Variants in HS3ST4 observed in about 807,000 individuals in gnomAD.
HS3ST4 encodes the protein heparan sulfate glucosamine 3-O-sulfotransferase 4.
HS3ST4 carries 17 observed loss-of-function variants against 29.2 expected under a neutral mutation model. The observed-to-expected ratio is 0.58, with a 90% CI of 0.40 to 0.87. The LOEUF (loss-of-function observed/expected upper bound fraction) is 0.87, where lower values mean the gene tolerates loss of function less well. HS3ST4 is among the 40% of genes least tolerant of loss of function. The probability of loss-of-function intolerance (pLI) is 0.00; values close to 1 mark genes in which losing one functional copy is unlikely to be tolerated. For missense variants in HS3ST4, 627 were observed against 634.5 expected, an observed-to-expected ratio of 0.99 and a Z score of 0.13; for synonymous variants, 314 against 285.7, an observed-to-expected ratio of 1.10 and a Z score of -1.00.
chr16:25,983,235 G>A (rs1219892194), intron 1 of HS3ST4, among the ~76,000 whole-genome samples: 1 of 152,152 alleles, frequency 6.6e-6, no homozygotes, highest in East Asian at 1.9e-4. Context: ...TTCTATTCCA[G>A]ATCTAGCAAC....
chr16:25,902,249 G>A (rs1968126685), intron 1 of HS3ST4, among the ~76,000 whole-genome samples: 1 of 152,116 alleles, frequency 6.6e-6, no homozygotes. Flanking sequence ...GCATCATGGT[G>A]GCTCATGCCT....
chr16:26,015,888 C>G (rs2141743325), intron 1 of HS3ST4, among the ~76,000 whole-genome samples: 1 of 152,198 alleles, frequency 6.6e-6, no homozygotes, highest in African/African-American at 2.4e-5. Context: ...GATTATAACT[C>G]CCACCCAGAG....
intron 1 of HS3ST4, among the ~76,000 whole-genome samples, chr16:25,714,216 T>A (rs1263797217): frequency 6.6e-6 from 1 of 152,060 alleles, no homozygotes; most frequent in African/African-American, 2.4e-5. Flanking sequence ...AACAAATACA[T>A]GAAAATAAAA....
intron 1 of HS3ST4, among the ~76,000 whole-genome samples, chr16:25,874,173 A>G (rs773019794): frequency 3.3e-5 from 5 of 152,184 alleles, no homozygotes; most frequent in Non-Finnish European, 7.4e-5. Flanking sequence ...CAAAGTCTGC[A>G]TAAAGAACAC....
chr16:25,941,848 T>C (rs1207141269), intron 1 of HS3ST4, among the ~76,000 whole-genome samples: 1 of 152,182 alleles, frequency 6.6e-6, no homozygotes, highest in East Asian at 1.9e-4. Context: ...AGTACTGGAA[T>C]TACAGGTGTG....
rs147905796 is a variant in HS3ST4, at chr16:26,065,690, A to G, written c.735-69922A>G. Reference sequence around the variant, plus strand: ...TAAGTTTGGACAGTCAGCATAGACTACACCACAAAGTAAGAGATAAAGAGG... The same window carrying G: ...TAAGTTTGGACAGTCAGCATAGACTGCACCACAAAGTAAGAGATAAAGAGG... On this transcript the variant is annotated intron_variant, in intron 1 of 1. Coordinates refer to ENST00000331351, the MANE Select transcript of HS3ST4 (RefSeq NM_006040.3). 7.9e-5 allele frequency among the ~76,000 whole-genome samples: 12 copies of G among 152,366 alleles called. No individual in the cohort carries two copies. The East Asian group carries it at 1.7e-3, about 22-fold the overall frequency.
At chr16:26,042,027 A>G (rs576350269) in intron 1 of HS3ST4, among the ~76,000 whole-genome samples, 2 of 152,288 alleles carry the variant, frequency 1.3e-5, no homozygotes, top group South Asian at 2.1e-4. Flanking sequence ...TGATCTACTG[A>G]TGCATAATTG....
intron 1 of HS3ST4, among the ~76,000 whole-genome samples, chr16:26,124,609 A>T (rs1231895235): frequency 6.6e-6 from 1 of 152,178 alleles, no homozygotes; most frequent in African/African-American, 2.4e-5. Context: ...TGTTCTCATG[A>T]GGTATTCAGA....
intron 1 of HS3ST4, among the ~76,000 whole-genome samples, chr16:26,130,699 A>ATCTGAAC (rs1449570585): frequency 6.6e-6 from 1 of 152,226 alleles, no homozygotes; most frequent in African/African-American, 2.4e-5. Flanking sequence ...CACACCTAGC[A>ATCTGAAC]TCTGAACACC....
intron 1 of HS3ST4, among the ~76,000 whole-genome samples, chr16:25,739,886 G>A (rs899519375): frequency 4.6e-5 from 7 of 152,204 alleles, no homozygotes; most frequent in Non-Finnish European, 1.0e-4. Flanking sequence ...TAAAGAAACA[G>A]CATCTGTTGA....
chr16:25,962,100 T>C (rs941589037), intron 1 of HS3ST4, among the ~76,000 whole-genome samples: 2 of 152,184 alleles, frequency 1.3e-5, no homozygotes, highest in Non-Finnish European at 2.9e-5. Flanking sequence ...AAGTAGGCCT[T>C]GAACACACCC....
chr16:25,776,155 A>G (rs923588524), intron 1 of HS3ST4, among the ~76,000 whole-genome samples: 1 of 152,128 alleles, frequency 6.6e-6, no homozygotes, highest in Non-Finnish European at 1.5e-5. Context: ...CTACATAGCA[A>G]TGTAGGAACA....
chr16:25,968,919 A>T (rs1968870396), intron 1 of HS3ST4, among the ~76,000 whole-genome samples: 1 of 152,182 alleles, frequency 6.6e-6, no homozygotes. Flanking sequence ...TCCCGGGTTC[A>T]AGCAATTCTC....
At chr16:26,123,062 A>T (rs1464359984) in intron 1 of HS3ST4, among the ~76,000 whole-genome samples, 1 of 151,600 alleles carries the variant, frequency 6.6e-6, no homozygotes, top group Non-Finnish European at 1.5e-5. Flanking sequence ...TCAAAAAAAA[A>T]AAAAACCGGG....
intron 1 of HS3ST4, among the ~76,000 whole-genome samples, chr16:26,016,821 A>G (rs1377122242): frequency 2.6e-5 from 4 of 152,180 alleles, no homozygotes; most frequent in African/African-American, 9.7e-5. Context: ...GCTCACTCAT[A>G]TTTGGTTCTT....
At chr16:26,040,283 A>C (rs1596659696) in intron 1 of HS3ST4, among the ~76,000 whole-genome samples, 1 of 148,062 alleles carries the variant, frequency 6.8e-6, no homozygotes, top group South Asian at 2.1e-4. Context: ...TATTGCTGTC[A>C]GTATCTTTCT....
At chr16:25,812,336 C>T (rs768267841) in intron 1 of HS3ST4, among the ~76,000 whole-genome samples, 1 of 152,172 alleles carries the variant, frequency 6.6e-6, no homozygotes, top group Non-Finnish European at 1.5e-5. Flanking sequence ...TGCAGCATTG[C>T]CTAAATGCCC....
At chr16:25,796,305 T>C (rs1457022791) in intron 1 of HS3ST4, among the ~76,000 whole-genome samples, 1 of 151,888 alleles carries the variant, frequency 6.6e-6, no homozygotes, top group Non-Finnish European at 1.5e-5. Flanking sequence ...CTTTTGGGGG[T>C]TTGGGGGTTT....
rs1157827596 is a variant in HS3ST4 at position 26,035,137 on chromosome 16, T to C, written c.735-100475T>C. Among the ~76,000 whole-genome samples, 8 of 152,134 alleles carry C rather than the reference T, an allele frequency of 5.3e-5. No individual in the cohort carries two copies. The East Asian group carries it at 1.2e-3, about 22-fold the overall frequency. On this transcript the variant is annotated intron_variant, in intron 1 of 1. Coordinates refer to ENST00000331351, the MANE Select transcript of HS3ST4 (RefSeq NM_006040.3). ...AGAAATTAGCAGTGGTAAAATTCGG[T>C]TTAGGTAAGAACATGCCATGAGTGG... is the stretch of plus-strand genomic sequence containing the variant.
Sources: allele counts gnomAD v4.1 joint callset (sites outside exome capture counted in the v4.1 genomes callset), GRCh38; gene constraint gnomAD v4.1.1; transcripts MANE v1.5; gene names NCBI Gene and HGNC (gene_info 2026-07-23, HGNC 2026-07-21).